Variants in VRK2 observed in about 807,000 individuals in gnomAD.
The protein encoded by VRK2 is serine/threonine-protein kinase VRK2.
VRK2 carries 60 observed loss-of-function variants against 57.6 expected under a neutral mutation model. The ratio of observed to expected loss-of-function variants is 1.04; its 90% CI spans 0.85 to 1.29. The LOEUF is 1.29. VRK2 is among the 50% of genes most tolerant of loss of function. The pLI is 0.00. For missense variants in VRK2, 705 were observed against 588.1 expected (o/e 1.20, Z -2.06); for synonymous variants, 231 against 199.2 (o/e 1.16, Z -1.35).
intron 12 of VRK2, among the ~76,000 whole-genome samples, chr2:58,157,608 A>G (rs1558717718): frequency 6.6e-6 from 1 of 152,162 alleles, no homozygotes; most frequent in Non-Finnish European, 1.5e-5. Context: ...CTGTATTGGC[A>G]TCATCTGGAG....
At chr2:58,062,060 T>A (rs1268374222) in intron 2 of VRK2, among the ~76,000 whole-genome samples, 3 of 152,118 alleles carry the variant, frequency 2.0e-5, no homozygotes, top group Non-Finnish European at 4.4e-5. Context: ...CTATTAGTGC[T>A]ATTTTTCCAG....
rs572865767 is a variant in VRK2, at chr2:57,939,108, A to G, written c.-439+31269A>G. 2.0e-5 allele frequency among the ~76,000 whole-genome samples: 3 copies of G among 152,344 alleles called. No homozygotes were observed. The South Asian group carries it at 6.2e-4, about 32-fold the overall frequency. On this transcript the variant is annotated intron_variant, in intron 1 of 15. Transcript: ENST00000417641. ...AAAGGGAAGAGCAGAGAAGGAAGCA[A>G]TCTAGGTCCAAACAGAATGTATACA... is the stretch of plus-strand genomic sequence containing the variant.
chr2:57,973,144 T>C (rs1194666487), intron 1 of VRK2, among the ~76,000 whole-genome samples: 2 of 151,928 alleles, frequency 1.3e-5, no homozygotes, highest in Non-Finnish European at 2.9e-5. Flanking sequence ...ACCAGCAATA[T>C]ATAAGAGTGC....
rs1369073926 is a variant in VRK2 at position 58,146,302 on chromosome 2, C to A, written c.1024-14C>A. 6.3e-7 allele frequency: 1 copy of A among 1,596,562 alleles called. No individual in the cohort carries two copies. The highest frequency in any genetic ancestry group is 8.5e-7 in the Non-Finnish European group (1 of 1,171,902). On this transcript the variant is annotated splice_polypyrimidine_tract_variant and intron_variant, in intron 11 of 12. Transcript: ENST00000340157. ...AGTTTTCATTATATATTATTACTTACTCTATACCAACAGGTTGATTCACAA... is the reference window on the plus strand; with the variant it reads ...AGTTTTCATTATATATTATTACTTAATCTATACCAACAGGTTGATTCACAA...
At chr2:58,102,170 C>A (rs1323660218) in intron 7 of VRK2, among the ~76,000 whole-genome samples, 7 of 151,498 alleles carry the variant, frequency 4.6e-5, no homozygotes, top group Non-Finnish European at 3.0e-5. Flanking sequence ...GAGAAACTGA[C>A]AATGGGAACT....
At chr2:58,018,206 T>A (rs1349292267) in intron 1 of VRK2, 1 of 152,188 alleles carries the variant, frequency 6.6e-6, no homozygotes, top group Non-Finnish European at 1.5e-5. Context: ...TTGGCCAAGC[T>A]GGTCTCGAAC....
At position 58,082,968 on chromosome 2, in the gene VRK2, A is replaced by C. The variant is rs1381319285; in HGVS notation, c.137-1121A>C. Among the ~76,000 whole-genome samples the C allele has an allele frequency of 2.0e-5, 3 of 151,770 alleles. No individual in the cohort carries two copies. The East Asian group carries it at 5.8e-4, about 29-fold the overall frequency. On this transcript the variant is annotated intron_variant, in intron 2 of 12. Transcript: ENST00000340157. ...CATATTTATATCTAAGATGTGAATT[A>C]ATGGAAAAAAGAGAACAGCTGACAG...
At chr2:57,932,813 G>A (rs1307232217) in intron 1 of VRK2, among the ~76,000 whole-genome samples, 2 of 151,960 alleles carry the variant, frequency 1.3e-5, no homozygotes, top group Non-Finnish European at 2.9e-5. Flanking sequence ...TGTTCTTCAT[G>A]TAGGCATTTA....
At chr2:58,134,013 A>C (rs548010594) in intron 9 of VRK2, among the ~76,000 whole-genome samples, 20 of 152,280 alleles carry the variant, frequency 1.3e-4, no homozygotes, top group African/African-American at 4.6e-4. Context: ...AATACCCCAA[A>C]GTGTGATGCT....
chr2:57,988,642 G>A (rs1019155574), intron 1 of VRK2, among the ~76,000 whole-genome samples: 1 of 152,164 alleles, frequency 6.6e-6, no homozygotes, highest in Non-Finnish European at 1.5e-5. Context: ...TCTGCCCTAA[G>A]GCATTAGAGT....
chr2:57,955,935 G>A (rs1266470902), intron 1 of VRK2, among the ~76,000 whole-genome samples: 1 of 152,042 alleles, frequency 6.6e-6, no homozygotes, highest in Non-Finnish European at 1.5e-5. Context: ...ATAAATAAGG[G>A]TTAACAAACA....
chr2:58,060,560 A>G (rs1257591679), intron 2 of VRK2, among the ~76,000 whole-genome samples: 1 of 151,848 alleles, frequency 6.6e-6, no homozygotes, highest in Non-Finnish European at 1.5e-5. Flanking sequence ...ACCATCAAGA[A>G]GAAAAAATAA....
intron 1 of VRK2, among the ~76,000 whole-genome samples, chr2:57,957,076 GA>G (rs575516301): frequency 1.1e-3 from 161 of 151,590 alleles, no homozygotes; most frequent in Middle Eastern, 3.4e-3. Flanking sequence ...GAGGAGGTGA[GA>G]AAAAAAAGGA....
At chr2:57,935,392 C>T (rs1670871841) in intron 1 of VRK2, among the ~76,000 whole-genome samples, 1 of 152,102 alleles carries the variant, frequency 6.6e-6, no homozygotes, top group Non-Finnish European at 1.5e-5. Context: ...ATGCTGAGAG[C>T]TTCCCATTTG....
intron 7 of VRK2, among the ~76,000 whole-genome samples, chr2:58,100,632 A>G (rs1673821375): frequency 6.6e-6 from 1 of 151,760 alleles, no homozygotes; most frequent in Non-Finnish European, 1.5e-5. Context: ...TGAGTTTTAC[A>G]TTAATAGGAT....
intron 1 of VRK2, among the ~76,000 whole-genome samples, chr2:57,935,222 G>T (rs1670867109): frequency 1.3e-5 from 2 of 151,902 alleles, no homozygotes; most frequent in South Asian, 4.2e-4. Context: ...ACTAATTTTG[G>T]CAGAAAAAAT....
chr2:58,096,106 A>T (rs1673088153), intron 7 of VRK2, among the ~76,000 whole-genome samples: 1 of 152,102 alleles, frequency 6.6e-6, no homozygotes, highest in Non-Finnish European at 1.5e-5. Context: ...TGAGCTTCTA[A>T]TATTGAACCA....
chr2:57,952,730 C>T (rs951980764), intron 1 of VRK2, among the ~76,000 whole-genome samples: 2 of 145,654 alleles, frequency 1.4e-5, no homozygotes, highest in African/African-American at 5.1e-5. Context: ...ATCTTTACTA[C>T]AGATGAGGAA....
intron 1 of VRK2, among the ~76,000 whole-genome samples, chr2:57,915,813 A>C (rs1156290180): frequency 6.6e-6 from 1 of 152,216 alleles, no homozygotes; most frequent in Non-Finnish European, 1.5e-5. Context: ...GTGGTGGGCA[A>C]GCCAGCATTA....
Sources: allele counts gnomAD v4.1 joint callset (sites outside exome capture counted in the v4.1 genomes callset), GRCh38; gene constraint gnomAD v4.1.1; transcripts MANE v1.5; gene names NCBI Gene and HGNC (gene_info 2026-07-23, HGNC 2026-07-21).